The following ARHGEF28 variants were observed in gnomAD, a reference collection of about 807,000 sequenced individuals.
ARHGEF28 encodes the protein Rho guanine nucleotide exchange factor 28.
A neutral mutation model predicts 206.6 loss-of-function variants in ARHGEF28; 152 were observed. The observed-to-expected ratio is 0.74, with a 90% CI of 0.64 to 0.84. The LOEUF (loss-of-function observed/expected upper bound fraction) is 0.84. Among genes scored for constraint, ARHGEF28 ranks in the 40% least tolerant of loss-of-function variants. The pLI is 0.00. For missense variants in ARHGEF28, 2,028 were observed against 2,073.2 expected (o/e 0.98, Z 0.42); for synonymous variants, 763 against 776.4 (o/e 0.98, Z 0.29).
At chr5:73,888,819 A>G (rs1761454974) in intron 26 of ARHGEF28, among the ~76,000 whole-genome samples, 1 of 152,084 alleles carries the variant, frequency 6.6e-6, no homozygotes, top group South Asian at 2.1e-4. Context: ...AACATTTACC[A>G]TTAAGTGAGG....
intron 22 of ARHGEF28, among the ~76,000 whole-genome samples, chr5:73,875,767 C>G (rs1471367720): frequency 6.6e-6 from 1 of 151,904 alleles, no homozygotes; most frequent in Non-Finnish European, 1.5e-5. Flanking sequence ...CTGTTCTATT[C>G]CATTGATCTA....
chr5:73,706,975 C>G (rs1275463385), intron 2 of ARHGEF28, among the ~76,000 whole-genome samples: 1 of 152,174 alleles, frequency 6.6e-6, no homozygotes, highest in South Asian at 2.1e-4. Flanking sequence ...AGACTAGTAG[C>G]CCTGTCCCTG....
chr5:73,928,351 G>A (rs1763931438), intron 35 of ARHGEF28, among the ~76,000 whole-genome samples: 1 of 152,184 alleles, frequency 6.6e-6, no homozygotes, highest in African/African-American at 2.4e-5. Flanking sequence ...GGGAGGTGGA[G>A]GTTGCAGTGA....
At chr5:73,914,808 C>T (rs1178485087) in intron 35 of ARHGEF28, among the ~76,000 whole-genome samples, 1 of 152,152 alleles carries the variant, frequency 6.6e-6, no homozygotes, top group Non-Finnish European at 1.5e-5. Context: ...TCACTGCAAC[C>T]TCCACCTCCT....
rs549308118 is a variant in ARHGEF28 at position 73,776,365 on chromosome 5, T to C, written c.660-151T>C. 222 of 608,900 alleles carry C rather than the reference T, an allele frequency of 3.6e-4. 1 individual carries two copies. The highest frequency in any genetic ancestry group is 9.0e-4 in the Middle Eastern group (2 of 2,216). 37.7% of individuals were successfully genotyped at this position (608,900 alleles called of 1,614,324 possible). ...AGATGGCTTTATTAGTATCTGTTTT[T>C]ATGATCTTATGTATTTATTGCACGT... On this transcript the variant is annotated intron_variant, in intron 5 of 35. Transcript: ENST00000513042.
At chr5:73,714,089 G>A (rs555437780) in intron 2 of ARHGEF28, among the ~76,000 whole-genome samples, 90 of 152,286 alleles carry the variant, frequency 5.9e-4, no homozygotes, top group Middle Eastern at 3.4e-3. Flanking sequence ...ACCGCCCTGT[G>A]TCTTGGTTTT....
chr5:73,937,334 A>T (rs954619999), intron 35 of ARHGEF28, among the ~76,000 whole-genome samples: 1 of 152,056 alleles, frequency 6.6e-6, no homozygotes, highest in African/African-American at 2.4e-5. Flanking sequence ...TAGTTTGTGA[A>T]CAAAAGCTCA....
intron 13 of ARHGEF28, among the ~76,000 whole-genome samples, chr5:73,850,698 G>A (rs1284166269): frequency 6.6e-6 from 1 of 152,140 alleles, no homozygotes; most frequent in Non-Finnish European, 1.5e-5. Flanking sequence ...TTGTTCACAA[G>A]GGAAAATAGC....
At chr5:73,725,313 A>T (rs1750204749) in intron 2 of ARHGEF28, among the ~76,000 whole-genome samples, 1 of 152,208 alleles carries the variant, frequency 6.6e-6, no homozygotes, top group African/African-American at 2.4e-5. Flanking sequence ...ACACCTTCTC[A>T]TATTTGCGTA....
intron 1 of ARHGEF28, among the ~76,000 whole-genome samples, chr5:73,659,807 A>G (rs1036291242): frequency 6.6e-6 from 1 of 152,362 alleles, no homozygotes; most frequent in South Asian, 2.1e-4. Flanking sequence ...TTAGGAATAC[A>G]ATAGCACTAT....
chr5:73,939,960 T>C (rs1398824473), intron 35 of ARHGEF28, among the ~76,000 whole-genome samples: 2 of 152,100 alleles, frequency 1.3e-5, no homozygotes, highest in Non-Finnish European at 2.9e-5. Flanking sequence ...GACTGAAAAA[T>C]AAGCAGGTGG....
chr5:73,655,855 G>A (rs1027553923), intron 1 of ARHGEF28, among the ~76,000 whole-genome samples: 4 of 152,122 alleles, frequency 2.6e-5, no homozygotes, highest in African/African-American at 9.7e-5. Flanking sequence ...AATTCTACCC[G>A]GAGAACTGAA....
intron 14 of ARHGEF28, among the ~76,000 whole-genome samples, chr5:73,856,319 C>T (rs1759030319): frequency 6.6e-6 from 1 of 152,160 alleles, no homozygotes; most frequent in Admixed American, 6.5e-5. Flanking sequence ...ATGTTTAATT[C>T]TATTCACTTC....
intron 2 of ARHGEF28, among the ~76,000 whole-genome samples, chr5:73,689,467 C>G (rs1191918753): frequency 6.6e-6 from 1 of 152,146 alleles, no homozygotes; most frequent in Non-Finnish European, 1.5e-5. Context: ...CTTAGCCTCC[C>G]CAGTAGCTGG....
intron 2 of ARHGEF28, among the ~76,000 whole-genome samples, chr5:73,731,272 C>T (rs932322004): frequency 5.3e-5 from 8 of 152,056 alleles, no homozygotes; most frequent in Non-Finnish European, 1.2e-4. Context: ...AAACAAAATG[C>T]GGATCTGTGT....
chr5:73,672,261 T>C (rs968610114), intron 1 of ARHGEF28, among the ~76,000 whole-genome samples: 10 of 152,190 alleles, frequency 6.6e-5, no homozygotes, highest in African/African-American at 2.4e-4. Context: ...ACGTTTGCTC[T>C]TTCTGGTTCA....
intron 1 of ARHGEF28, among the ~76,000 whole-genome samples, chr5:73,645,848 C>CTCCTT (rs1051914933): frequency 1.3e-5 from 2 of 151,852 alleles, no homozygotes; most frequent in Admixed American, 6.6e-5. Context: ...TTAATTTCCC[C>CTCCTT]TCCTTTCCTT....
In ARHGEF28 at chr5:73,864,806, C is replaced by G; in HGVS notation, c.2048-11C>G. The G allele has an allele frequency of 6.2e-7, 1 of 1,609,792 alleles. No homozygotes were observed. The highest frequency in any genetic ancestry group is 8.5e-7 in the Non-Finnish European group (1 of 1,177,774). On this transcript the variant is annotated splice_polypyrimidine_tract_variant and intron_variant, in intron 16 of 35. Transcript: ENST00000513042. ...AGATGGATGCTTTTGTATCTTTTCC[C>G]TTTATTTCAGACTGTAATGCAAATG...
rs1331990504 is a variant in ARHGEF28 at position 73,868,128 on chromosome 5, T to C, written c.2326T>C (p.Ser776Pro). The change falls in exon 20 of 36, where the codon TCT becomes CCT. Residue 776 changes from serine (S) to proline (P), a missense_variant. By Grantham distance (74) the Ser-to-Pro change is moderately conservative (BLOSUM62 -1). Around this residue, in one of 3 missense-constraint regions of ARHGEF28, gnomAD observed 1,002 missense variants for 1,015.3 expected, o/e 0.99. Coordinates refer to ENST00000513042, the MANE Select transcript of ARHGEF28 (RefSeq NM_001177693.2). ...SFRRSATSLE[S>P]ESDHNSCRSR... ...CAGGAGGTCAGCCACATCCTTGGAG[T>C]CTGAGAGTGACCATAACAGCTGCAG... 1.2e-6 allele frequency: 2 copies of C among 1,611,104 alleles called. No individual in the cohort carries two copies. The highest frequency in any genetic ancestry group is 2.7e-5 in the African/African-American group (2 of 74,848).
Sources: gnomAD v4.1 joint callset for allele counts (sites outside exome capture counted in the v4.1 genomes callset) on GRCh38, gnomAD v4.1.1 for gene constraint, gnomAD v4.1.1 regional missense constraint, MANE v1.5 for transcripts, NCBI Gene and HGNC (gene_info 2026-07-23, HGNC 2026-07-21) for gene names.